NRG1: variants seen among roughly 807,000 people sequenced by gnomAD.
NRG1 encodes the protein neuregulin 1, also known as pro-neuregulin-1, membrane-bound isoform.
A neutral mutation model predicts 63.8 loss-of-function variants in NRG1; 18 were observed. The observed-to-expected ratio is 0.28, with a 90% CI of 0.19 to 0.42. The LOEUF is 0.42. NRG1 is among the 10% of genes least tolerant of loss of function. NRG1 has a pLI of 1.00. For synonymous variants in NRG1, 302 were observed against 301.3 expected (o/e 1.00, Z -0.02); for missense variants, 762 against 814.7 (o/e 0.94, Z 0.79).
chr8:31,666,371 T>A (rs1196188228), intron 1 of NRG1, among the ~76,000 whole-genome samples: 1 of 152,110 alleles, frequency 6.6e-6, no homozygotes, highest in East Asian at 1.9e-4. Context: ...TTTTCTACCC[T>A]GACATTGATG....
At chr8:32,149,948 A>G (rs1837317341) in intron 1 of NRG1, among the ~76,000 whole-genome samples, 1 of 152,218 alleles carries the variant, frequency 6.6e-6, no homozygotes, top group Admixed American at 6.5e-5. Context: ...AAATTATTTC[A>G]TCTAATAATG....
At chr8:32,566,342 CAAA>C (rs35064563) in intron 1 of NRG1, among the ~76,000 whole-genome samples, 2 of 102,678 alleles carry the variant, frequency 1.9e-5, no homozygotes, top group Admixed American at 1.1e-4. Context: ...CAGAACATCT[CAAA>C]AAAAAAAAAA....
At chr8:32,758,570 C>T (rs548036152) in intron 9 of NRG1, among the ~76,000 whole-genome samples, 16 of 59,794 alleles carry the variant, frequency 2.7e-4, no homozygotes, top group Admixed American at 5.1e-4. Context: ...AGTGAGACTC[C>T]ATCTCAAAAA....
chr8:31,693,769 C>T (rs1809773143), intron 1 of NRG1, among the ~76,000 whole-genome samples: 1 of 152,114 alleles, frequency 6.6e-6, no homozygotes, highest in Admixed American at 6.6e-5. Context: ...TGATATGTGT[C>T]TTCAGGATTT....
chr8:31,665,489 T>C (rs1339512301), intron 1 of NRG1, among the ~76,000 whole-genome samples: 2 of 152,180 alleles, frequency 1.3e-5, no homozygotes, highest in East Asian at 1.9e-4. Context: ...TCTAGAACTA[T>C]TGAAGGAATT....
intron 1 of NRG1, chr8:32,287,435 G>C (rs1369431257): frequency 6.6e-6 from 1 of 152,178 alleles, no homozygotes; most frequent in African/African-American, 2.4e-5. Context: ...AGGCTTTTAG[G>C]ATTTACCTTC....
At chr8:32,304,295 A>G (rs1291538039) in intron 1 of NRG1, among the ~76,000 whole-genome samples, 1 of 152,258 alleles carries the variant, frequency 6.6e-6, no homozygotes. Flanking sequence ...TTTCGCAAAC[A>G]AATTATGAAA....
rs1445697647 is a variant in NRG1, at chr8:32,645,651, C to T, written c.502+28766C>T. 1.3e-5 allele frequency among the ~76,000 whole-genome samples: 2 copies of T among 152,146 alleles called. 1 individual carries two copies. The highest frequency in any genetic ancestry group is 1.3e-4 in the Admixed American group (2 of 15,274). ...ACTTGAATTCTAAATTTTACTGCTT[C>T]AGGGACTCATATGATGGCTATGTAG... is the stretch of plus-strand genomic sequence containing the variant. On this transcript the variant is annotated intron_variant, in intron 5 of 11. Coordinates refer to ENST00000356819, the Ensembl canonical transcript of NRG1.
At chr8:31,982,923 T>G (rs76898940) in intron 1 of NRG1, among the ~76,000 whole-genome samples, 1 of 152,228 alleles carries the variant, frequency 6.6e-6, no homozygotes, top group East Asian at 1.9e-4. Flanking sequence ...CAGTGCCAGT[T>G]TTATGCTGGC....
Position 31,640,571 on chromosome 8 carries a change from G to A in NRG1, c.37+1140G>A. 6.2e-7 allele frequency: 1 copy of A among 1,611,904 alleles called. No individual in the cohort carries two copies. The highest frequency in any genetic ancestry group is 8.5e-7 in the Non-Finnish European group (1 of 1,179,432). On this transcript the variant is annotated intron_variant, in intron 1 of 10. Coordinates refer to the NRG1 transcript ENST00000519301. The surrounding 1 kb of genome is among the most constrained non-coding windows in gnomAD (Gnocchi z 6.3). ...TGGGGCCACCCCGCCTTCCCCTCCT[G>A]CGGGAGGCTCAAGGAGGACAGCAGG...
At chr8:32,548,765 C>A in exon 1 of NRG1, 6 of 1,591,058 alleles carry the variant, frequency 3.8e-6, no homozygotes, top group South Asian at 1.1e-5. Context: ...AAGGGAAGGG[C>A]AAGAAGAAGG....
chr8:32,759,652 T>C (rs995538180), intron 10 of NRG1, among the ~76,000 whole-genome samples: 2 of 152,210 alleles, frequency 1.3e-5, no homozygotes, highest in Non-Finnish European at 2.9e-5. Context: ...CCTGAGATTG[T>C]CTTTACTCAT....
At chr8:32,385,990 A>G (rs1252022809) in intron 1 of NRG1, among the ~76,000 whole-genome samples, 2 of 152,214 alleles carry the variant, frequency 1.3e-5, no homozygotes, top group Admixed American at 1.3e-4. Context: ...TCTGTCTCCA[A>G]AACCAACCCT....
In NRG1 at chr8:32,202,855, G is replaced by A. The variant is rs538927614; in HGVS notation, c.38-392973G>A. Among the ~76,000 whole-genome samples, 6 of 151,104 alleles carry A rather than the reference G, an allele frequency of 4.0e-5. No homozygotes were observed. The East Asian group carries it at 1.2e-3, about 30-fold the overall frequency. ...TGGATATTGGGGTTTATATGGATGG[G>A]CACACGATAGGGGGTTGCAGTGGGT... On this transcript the variant is annotated intron_variant, in intron 1 of 10. Coordinates refer to the NRG1 transcript ENST00000519301.
chr8:32,758,257 A>C (rs73677276), intron 9 of NRG1, among the ~76,000 whole-genome samples: 7,750 of 152,148 alleles, frequency 0.051, 688 homozygotes, highest in African/African-American at 0.18. Context: ...AAACAGTAAA[A>C]ACTACTGTGG....
At chr8:32,593,707 TAAG>T (rs1191096479) in intron 1 of NRG1, among the ~76,000 whole-genome samples, 3 of 151,960 alleles carry the variant, frequency 2.0e-5, no homozygotes, top group African/African-American at 7.3e-5. Context: ...AAAATGATCT[TAAG>T]GAGTTAACAG....
chr8:32,020,866 C>T (rs556157430), intron 1 of NRG1, among the ~76,000 whole-genome samples: 1 of 152,080 alleles, frequency 6.6e-6, no homozygotes, highest in Non-Finnish European at 1.5e-5. Flanking sequence ...CCATGTATTG[C>T]TTTAAATTTT....
At chr8:32,731,152 A>G (rs1321422852) in intron 6 of NRG1, among the ~76,000 whole-genome samples, 1 of 152,162 alleles carries the variant, frequency 6.6e-6, no homozygotes, top group South Asian at 2.1e-4. Context: ...CCCACGTCCA[A>G]TACAAAACAT....
At chr8:31,780,503 C>T (rs1178041855) in intron 1 of NRG1, among the ~76,000 whole-genome samples, 1 of 152,042 alleles carries the variant, frequency 6.6e-6, no homozygotes, top group Non-Finnish European at 1.5e-5. Context: ...TATAAGGGTG[C>T]CTCCTGTGGC....
Sources: allele counts gnomAD v4.1 joint callset (sites outside exome capture counted in the v4.1 genomes callset), GRCh38; gene constraint gnomAD v4.1.1; non-coding constraint Gnocchi (gnomAD v3.1); transcripts MANE v1.5; gene names NCBI Gene and HGNC (gene_info 2026-07-23, HGNC 2026-07-21).